Variants in TMEM132D observed in about 807,000 individuals in gnomAD.
TMEM132D encodes transmembrane protein 132D.
Under a neutral mutation model 62.3 loss-of-function variants are expected in TMEM132D, and 21 were observed. The ratio of observed to expected loss-of-function variants is 0.34; its 90% CI spans 0.24 to 0.49. TMEM132D has a LOEUF of 0.49. Ranked by LOEUF, TMEM132D falls within the 20% of genes least tolerant of loss-of-function variation. TMEM132D has a pLI of 0.99. For missense variants in TMEM132D, 1,346 were observed against 1,402.8 expected, an observed-to-expected ratio of 0.96 and a Z score of 0.65; for synonymous variants, 621 against 575.6, an observed-to-expected ratio of 1.08 and a Z score of -1.13.
intron 4 of TMEM132D, among the ~76,000 whole-genome samples, chr12:129,293,381 G>A (rs540144936): frequency 3.3e-5 from 5 of 152,248 alleles, no homozygotes; most frequent in African/African-American, 1.2e-4. Context: ...ACATGCTTTG[G>A]AAGTGTATTC....
At chr12:129,265,860 C>G (rs746720283) in intron 4 of TMEM132D, among the ~76,000 whole-genome samples, 2 of 152,106 alleles carry the variant, frequency 1.3e-5, no homozygotes, top group Non-Finnish European at 2.9e-5. Context: ...GTCCCTCTTA[C>G]AATCTTTCTC....
intron 2 of TMEM132D, among the ~76,000 whole-genome samples, chr12:129,568,563 C>T (rs1877428971): frequency 6.6e-6 from 1 of 152,208 alleles, no homozygotes; most frequent in South Asian, 2.1e-4. Flanking sequence ...CTATTCTCTT[C>T]TGTAAGCAGT....
chr12:129,809,843 TATC>T (rs901181056), intron 1 of TMEM132D, among the ~76,000 whole-genome samples: 3 of 152,086 alleles, frequency 2.0e-5, no homozygotes, highest in African/African-American at 7.2e-5. Flanking sequence ...TTTCAGGACT[TATC>T]ATAAAAAACC....
At chr12:129,178,177 G>T (rs1175727092) in intron 5 of TMEM132D, among the ~76,000 whole-genome samples, 2 of 152,140 alleles carry the variant, frequency 1.3e-5, no homozygotes, top group Non-Finnish European at 2.9e-5. Flanking sequence ...ATCACTGTTG[G>T]ACATTTGGGT....
At chr12:129,184,235 G>A (rs1038628947) in intron 5 of TMEM132D, among the ~76,000 whole-genome samples, 1 of 152,092 alleles carries the variant, frequency 6.6e-6, no homozygotes, top group Non-Finnish European at 1.5e-5. Context: ...GAGGGGCATG[G>A]GGAGTCTCTT....
intron 5 of TMEM132D, among the ~76,000 whole-genome samples, chr12:129,089,823 CAG>C (rs1283885025): frequency 1.3e-5 from 2 of 152,248 alleles, no homozygotes; most frequent in Non-Finnish European, 2.9e-5. Flanking sequence ...CACCAGGACA[CAG>C]GGGGCAGGGA....
At chr12:129,515,954 C>T (rs1413855703) in intron 3 of TMEM132D, among the ~76,000 whole-genome samples, 1 of 152,162 alleles carries the variant, frequency 6.6e-6, no homozygotes, top group Admixed American at 6.5e-5. Flanking sequence ...GGGGTGTCAG[C>T]CATGAACCAT....
chr12:129,256,381 G>A (rs1880399978), intron 4 of TMEM132D, among the ~76,000 whole-genome samples: 1 of 152,022 alleles, frequency 6.6e-6, no homozygotes. Context: ...GTTGCCGTGT[G>A]ACATAGCTGT....
At chr12:129,242,941 A>C (rs1879976339) in intron 4 of TMEM132D, among the ~76,000 whole-genome samples, 1 of 92,150 alleles carries the variant, frequency 1.1e-5, no homozygotes. Context: ...CAGTATTTCT[A>C]AGCCAGAGGC....
rs77852533 is a variant in TMEM132D at position 129,591,480 on chromosome 12, C to G, written c.969-60275G>C. Among the ~76,000 whole-genome samples, 665 of 151,756 alleles carry G rather than the reference C, an allele frequency of 4.4e-3. 4 individuals carry two copies. Among genetic ancestry groups the G allele is most frequent in the African/African-American group, 0.015 (636 of 41,396 alleles). ...ATTCTTTCTTTCTGAAAATAGCATG[C>G]CAATGAAACAGAATGGATTCTGTCA... On this transcript the variant is annotated intron_variant, in intron 2 of 8. Coordinates refer to ENST00000422113, the MANE Select transcript of TMEM132D (RefSeq NM_133448.3).
At chr12:129,786,772 T>C (rs1273447115) in intron 1 of TMEM132D, among the ~76,000 whole-genome samples, 2 of 152,160 alleles carry the variant, frequency 1.3e-5, no homozygotes, top group African/African-American at 2.4e-5. Context: ...ATGCCTATAA[T>C]CCCAGCTACT....
chr12:129,746,463 T>C (rs562899448), intron 1 of TMEM132D, among the ~76,000 whole-genome samples: 5 of 152,076 alleles, frequency 3.3e-5, no homozygotes, highest in African/African-American at 1.2e-4. Context: ...CGGGAGGATA[T>C]CATCAGATTT....
intron 4 of TMEM132D, among the ~76,000 whole-genome samples, chr12:129,275,869 A>G (rs1449609469): frequency 2.0e-5 from 3 of 152,182 alleles, no homozygotes; most frequent in Non-Finnish European, 4.4e-5. Context: ...GACACCTTCT[A>G]GAGTGACCCC....
intron 1 of TMEM132D, among the ~76,000 whole-genome samples, chr12:129,848,687 T>C (rs1873441176): frequency 6.6e-6 from 1 of 152,194 alleles, no homozygotes; most frequent in African/African-American, 2.4e-5. Flanking sequence ...CTTTAATTTC[T>C]CCTGTTTCTC....
chr12:129,825,933 G>C (rs551387156), intron 1 of TMEM132D, among the ~76,000 whole-genome samples: 2 of 152,172 alleles, frequency 1.3e-5, no homozygotes, highest in African/African-American at 4.8e-5. Context: ...GCATGGTGGC[G>C]CATGCCTATA....
At position 129,632,807 on chromosome 12, in the gene TMEM132D, T is replaced by C. The variant is rs114606502; in HGVS notation, c.968+67003A>G. Among the ~76,000 whole-genome samples the C allele has an allele frequency of 2.1e-3, 316 of 152,344 alleles. 2 individuals are homozygous for C. The highest frequency in any genetic ancestry group is 7.4e-3 in the African/African-American group (307 of 41,578). On this transcript the variant is annotated intron_variant, in intron 2 of 8. Transcript: ENST00000422113. ...GCAGTATGGACCCCAAGCTGCCTTA[T>C]TAATACCTGAAGTCACTAACTATTG...
chr12:129,187,340 C>G (rs1552421), intron 5 of TMEM132D, among the ~76,000 whole-genome samples: 7,964 of 152,242 alleles, frequency 0.052, 268 homozygotes, highest in African/African-American at 0.1. Flanking sequence ...AAGCAAGCCT[C>G]TCCCTAACAA....
At chr12:129,699,730 A>C in intron 2 of TMEM132D, 80 bp downstream of exon 2, 1 of 1,551,316 alleles carries the variant, frequency 6.4e-7, no homozygotes. Context: ...GCGATAACAC[A>C]GCTTTTCTGG....
Position 129,337,652 on chromosome 12 carries a change from T to G in TMEM132D, c.1281A>C (p.Gly427=). The part of the protein sequence containing the change: ...KIYVSPKDLI[G]VVPLAMEAEI... The stretch of plus-strand genomic sequence containing the variant: ...TGCTTACCATAGCCAGCGGCACAAC[T>G]CCAATCAAGTCCTTTGGGCTCACAT... Residue 427 remains glycine, a synonymous_variant, in exon 4 of 9, where the codon GGA becomes GGC. Coordinates refer to ENST00000422113, the MANE Select transcript of TMEM132D (RefSeq NM_133448.3). The G allele has an allele frequency of 6.2e-7, 1 of 1,613,190 alleles. No homozygotes were observed. Among genetic ancestry groups the G allele is most frequent in the East Asian group, 2.2e-5 (1 of 44,758 alleles).
Sources: gnomAD v4.1 joint callset for allele counts (sites outside exome capture counted in the v4.1 genomes callset) on GRCh38, gnomAD v4.1.1 for gene constraint, MANE v1.5 for transcripts, NCBI Gene and HGNC (gene_info 2026-07-23, HGNC 2026-07-21) for gene names.